Variants in RPP30 observed in about 807,000 individuals in gnomAD.
The protein encoded by RPP30 is ribonuclease P protein subunit p30.
RPP30 carries 36 observed loss-of-function variants against 38.6 expected under a neutral mutation model. The ratio of observed to expected loss-of-function variants is 0.93; its 90% CI spans 0.71 to 1.23. The LOEUF is 1.23. Among genes scored for constraint, RPP30 ranks in the 50% most tolerant of loss-of-function variants. RPP30 has a pLI of 0.00. For missense variants in RPP30, 321 were observed against 321.7 expected (o/e 1.00, Z 0.02); for synonymous variants, 126 against 112.7 (o/e 1.12, Z -0.75).
rs532409687 is a variant in RPP30, at chr10:90,887,148, T to C, written c.432+1247T>C. Among the ~76,000 whole-genome samples the C allele has an allele frequency of 4.6e-5, 7 of 151,764 alleles. No homozygotes were observed. The South Asian group carries it at 1.5e-3, about 32-fold the overall frequency. On this transcript the variant is annotated intron_variant, in intron 6 of 10. Coordinates refer to ENST00000371703, the MANE Select transcript of RPP30 (RefSeq NM_006413.5). Reference sequence around the variant, plus strand: ...ACACCTGGCTAATTTTTTTATGTTTTGTAAAGTTGAGGTCTCACCATGTTT... The same window carrying C: ...ACACCTGGCTAATTTTTTTATGTTTCGTAAAGTTGAGGTCTCACCATGTTT...
At chr10:90,899,176 ATAAAT>A (rs1233481134) in intron 10 of RPP30, among the ~76,000 whole-genome samples, 4 of 152,244 alleles carry the variant, frequency 2.6e-5, no homozygotes, top group Non-Finnish European at 4.4e-5. Context: ...AATCAGTGAC[ATAAAT>A]TAATAGCTAT....
chr10:90,893,184 C>T (rs1218425376), intron 6 of RPP30, among the ~76,000 whole-genome samples: 3 of 152,054 alleles, frequency 2.0e-5, no homozygotes, highest in Admixed American at 6.6e-5. Flanking sequence ...GCCTTGAAGC[C>T]GGAGGAAGAA....
chr10:90,889,667 A>G (rs954787751), intron 6 of RPP30, among the ~76,000 whole-genome samples: 3 of 152,110 alleles, frequency 2.0e-5, no homozygotes, highest in African/African-American at 7.2e-5. Flanking sequence ...TAAATCATTC[A>G]TCTTTTACCA....
rs766293284 is a variant in RPP30 at position 90,894,910 on chromosome 10, A to G, written c.549+19A>G. On this transcript the variant is annotated intron_variant, in intron 7 of 10. Coordinates refer to ENST00000371703, the MANE Select transcript of RPP30 (RefSeq NM_006413.5). ...AGGAAAGGTATGGTTCTATAATTTT[A>G]GGATGTTTTTCGCATCTGGCAGTTT... The G allele has an allele frequency of 2.6e-6, 4 of 1,547,120 alleles. No homozygotes were observed. Among genetic ancestry groups the G allele is most frequent in the Middle Eastern group, 1.7e-4 (1 of 5,932 alleles).
rs569746888 is a variant in RPP30, at chr10:90,900,724, T to G, written c.*45T>G. 359 of 1,583,538 alleles carry G rather than the reference T, an allele frequency of 2.3e-4. 3 individuals carry two copies. The South Asian group carries it at 4.1e-3, about 18-fold the overall frequency. ...GTCAGCACTCCCTTCTTCCCTTTTA[T>G]AGTTCATCAGCCACAACAAAAATAA... On this transcript the variant is annotated 3_prime_UTR_variant, in exon 11 of 11. Coordinates refer to ENST00000371703, the MANE Select transcript of RPP30 (RefSeq NM_006413.5).
chr10:90,889,459 G>A (rs1224845817), intron 6 of RPP30, among the ~76,000 whole-genome samples: 1 of 151,470 alleles, frequency 6.6e-6, no homozygotes, highest in African/African-American at 2.4e-5. Context: ...ACAGACATCC[G>A]CCACCACAGC....
chr10:90,905,128 A>T (rs1438835810), downstream of RPP30, among the ~76,000 whole-genome samples: 1 of 152,262 alleles, frequency 6.6e-6, no homozygotes, highest in African/African-American at 2.4e-5. Flanking sequence ...GTACATTTAC[A>T]ATACATATTC....
intron 5 of RPP30, among the ~76,000 whole-genome samples, chr10:90,885,067 A>G (rs1039932718): frequency 2.0e-5 from 3 of 151,886 alleles, no homozygotes; most frequent in African/African-American, 7.3e-5. Context: ...CTGATTTTCC[A>G]TTTATCCTGA....
chr10:90,880,661 A>G (rs935114248), intron 5 of RPP30, among the ~76,000 whole-genome samples: 1 of 152,230 alleles, frequency 6.6e-6, no homozygotes, highest in Non-Finnish European at 1.5e-5. Flanking sequence ...CAGAGGTTAC[A>G]GTGAGCTGAG....
chr10:90,872,090 C>G, intron 1 of RPP30, 22 bp downstream of exon 1: 1 of 1,602,326 alleles, frequency 6.2e-7, no homozygotes, highest in African/African-American at 1.3e-5. Flanking sequence ...CGGCTTCGCG[C>G]CTGGCCAACC....
chr10:90,903,411 G>T, downstream of RPP30: 1 of 588,574 alleles, frequency 1.7e-6, no homozygotes, highest in Non-Finnish European at 3.1e-6. Flanking sequence ...GATACAGTAA[G>T]ATTTTCATGT....
intron 4 of RPP30, among the ~76,000 whole-genome samples, chr10:90,876,937 G>C (rs149532571): frequency 5.5e-4 from 84 of 152,234 alleles, no homozygotes; most frequent in African/African-American, 1.8e-3. Context: ...GTAGGTAATG[G>C]TGTACCATTT....
downstream of RPP30, among the ~76,000 whole-genome samples, chr10:90,906,979 A>G (rs1483783371): frequency 1.3e-5 from 2 of 152,318 alleles, no homozygotes; most frequent in Middle Eastern, 3.4e-3. Context: ...TATCTTTTCC[A>G]TTAGCAGAAA....
At chr10:90,880,120 C>T (rs753893690) in intron 5 of RPP30, 2 of 150,754 alleles carry the variant, frequency 1.3e-5, no homozygotes, top group Non-Finnish European at 1.5e-5. Context: ...TGTGAATAGT[C>T]AATTAAGATA....
At position 90,900,450 on chromosome 10, in the gene RPP30, A is replaced by G. The variant is rs1847186916; in HGVS notation, c.698-120A>G. The G allele has an allele frequency of 7.7e-6, 7 of 914,282 alleles. No homozygotes were observed. In the East Asian group the frequency reaches 1.7e-4, roughly 23 times the overall value. The allele number at this position is 914,282 out of a possible 1,614,324, so 56.6% of individuals were successfully genotyped here. A position where few individuals can be genotyped will look rare whatever the true frequency, so the allele number is the denominator to read the frequency against. On this transcript the variant is annotated intron_variant, in intron 10 of 10. Transcript: ENST00000371703. ...ATGACGGTAAATGGCACTAGCAGCC[A>G]TAGCAGTTCATTATGGCTTATCATT...
Position 90,893,008 on chromosome 10 carries a change from A to G in RPP30, c.433-1767A>G, listed in dbSNP as rs529967144. Among the ~76,000 whole-genome samples, 5 of 152,366 alleles carry G rather than the reference A, an allele frequency of 3.3e-5. No homozygotes were observed. The East Asian group carries it at 9.6e-4, about 29-fold the overall frequency. On this transcript the variant is annotated intron_variant, in intron 6 of 10. Coordinates refer to ENST00000371703, the MANE Select transcript of RPP30 (RefSeq NM_006413.5). ...CACGTTCAACTAGGACAGAAATACT[A>G]TCTTAACAAATGTCATTCCCAGAAA...
chr10:90,907,993 A>T (rs1183944610), downstream of RPP30, among the ~76,000 whole-genome samples: 1 of 152,236 alleles, frequency 6.6e-6, no homozygotes, highest in Non-Finnish European at 1.5e-5. Context: ...AATACAGCCT[A>T]TTGCTCTTAG....
chr10:90,883,114 G>C (rs1288208969), intron 5 of RPP30, among the ~76,000 whole-genome samples: 1 of 151,990 alleles, frequency 6.6e-6, no homozygotes, highest in Non-Finnish European at 1.5e-5. Context: ...TTTTTCCTTG[G>C]TAAGCCTGAT....
At chr10:90,904,671 G>A (rs891051389), downstream of RPP30, among the ~76,000 whole-genome samples, 1 of 152,106 alleles carries the variant, frequency 6.6e-6, no homozygotes, top group African/African-American at 2.4e-5. Flanking sequence ...AATCAGCCAG[G>A]CATGGTGGCC....
Sources: gnomAD v4.1 joint callset for allele counts (sites outside exome capture counted in the v4.1 genomes callset) on GRCh38, gnomAD v4.1.1 for gene constraint, MANE v1.5 for transcripts, NCBI Gene and HGNC (gene_info 2026-07-23, HGNC 2026-07-21) for gene names.